The following SLC25A29 variants were observed in gnomAD, a reference collection of about 807,000 sequenced individuals.
SLC25A29 encodes solute carrier family 25 member 29.
Under a neutral mutation model 10.0 loss-of-function variants are expected in SLC25A29, and 13 were observed. The observed-to-expected ratio is 1.30, with a 90% CI of 0.85 to 2.07. The LOEUF (loss-of-function observed/expected upper bound fraction) is 2.07, where lower values mean the gene tolerates loss of function less well. Ranked by LOEUF, SLC25A29 falls within the 30% of genes most tolerant of loss-of-function variation. SLC25A29 has a pLI of 0.00. For missense variants in SLC25A29, 475 were observed against 447.6 expected (o/e 1.06, Z -0.55); for synonymous variants, 244 against 221.1 (o/e 1.10, Z -0.92).
chr14:100,283,483 CTT>C, the SLC25A29 span, among the ~76,000 whole-genome samples: 254 of 128,430 alleles, frequency 2.0e-3, 1 homozygote, highest in African/African-American at 4.3e-3. Flanking sequence ...TTTGGAATTG[CTT>C]TTTTTTTTTT....
the SLC25A29 span, among the ~76,000 whole-genome samples, chr14:100,285,782 G>C: frequency 6.6e-6 from 1 of 152,250 alleles, no homozygotes; most frequent in African/African-American, 2.4e-5. Context: ...ATACCAGGGG[G>C]CCCCAGCTAA....
chr14:100,280,699 C>G, the SLC25A29 span: 2 of 151,974 alleles, frequency 1.3e-5, no homozygotes. Flanking sequence ...TGCGCAATAC[C>G]TGTCCGTGTT....
chr14:100,298,758 G>A lies in SLC25A29; in HGVS notation c.78+84C>T, dbSNP rs890518162. 25 of 1,574,770 alleles carry A rather than the reference G, an allele frequency of 1.6e-5. No individual in the cohort carries two copies. In the East Asian group the frequency reaches 2.0e-4, roughly 13 times the overall value. ...CAGCTGCCCACCTGGGGCTGTACAC[G>A]GAAACAGGCTTCCAGCCACCCCAAC... On this transcript the variant is annotated intron_variant, in intron 2 of 3. Coordinates refer to ENST00000359232, the MANE Select transcript of SLC25A29 (RefSeq NM_001039355.3).
intron 2 of SLC25A29, among the ~76,000 whole-genome samples, chr14:100,297,241 G>A (rs8012573): frequency 0.034 from 5,127 of 152,286 alleles, 292 homozygotes; most frequent in African/African-American, 0.12. Context: ...CCCTCCAGAC[G>A]CCAGTGAAGT....
downstream of SLC25A29, among the ~76,000 whole-genome samples, chr14:100,287,146 C>G (rs1891559642): frequency 6.6e-6 from 1 of 152,240 alleles, no homozygotes. Context: ...CACTAAAGGC[C>G]CAGGCCAATG....
the SLC25A29 span, among the ~76,000 whole-genome samples, chr14:100,285,289 C>T: frequency 6.6e-6 from 1 of 151,264 alleles, no homozygotes; most frequent in East Asian, 2.0e-4. Flanking sequence ...GCGCCTTTGT[C>T]CCAGCCCTTC....
At chr14:100,306,133 G>T in intron 1 of SLC25A29, 66 bp downstream of exon 1, 1 of 1,230,448 alleles carries the variant, frequency 8.1e-7, no homozygotes, top group Non-Finnish European at 1.1e-6. Context: ...GCCAGGGCGT[G>T]CTGGTGGGCC....
chr14:100,297,662 C>T (rs995620733), intron 2 of SLC25A29, among the ~76,000 whole-genome samples: 3 of 152,232 alleles, frequency 2.0e-5, no homozygotes, highest in Admixed American at 6.5e-5. Context: ...AGGCTCTGCA[C>T]GGCCTCACTC....
chr14:100,303,916 C>T (rs1445083217), intron 1 of SLC25A29, among the ~76,000 whole-genome samples: 2 of 152,124 alleles, frequency 1.3e-5, no homozygotes, highest in African/African-American at 2.4e-5. Flanking sequence ...TTTCTCTCTG[C>T]GCCTGCTTCT....
At chr14:100,279,815 C>G in the SLC25A29 span, 1 of 152,320 alleles carries the variant, frequency 6.6e-6, no homozygotes, top group Admixed American at 6.5e-5. Flanking sequence ...AGGACCCTGC[C>G]CAAGGGCCCA....
chr14:100,295,810 G>A, intron 2 of SLC25A29: 1 of 1,289,584 alleles, frequency 7.8e-7, no homozygotes. Context: ...GCCCAGGGAT[G>A]GCCGGTCACC....
At chr14:100,302,331 C>A (rs374121979) in intron 1 of SLC25A29, among the ~76,000 whole-genome samples, 1 of 151,796 alleles carries the variant, frequency 6.6e-6, no homozygotes, top group Admixed American at 6.6e-5. Context: ...CAGGCTTGAG[C>A]CACCAAGCTC....
downstream of SLC25A29, among the ~76,000 whole-genome samples, chr14:100,288,800 A>G (rs543339420): frequency 1.7e-3 from 261 of 152,358 alleles, 1 homozygote; most frequent in African/African-American, 6.1e-3. Flanking sequence ...AGCAGGAAGG[A>G]GGACCATTCA....
At chr14:100,301,827 G>A (rs958857527) in intron 1 of SLC25A29, among the ~76,000 whole-genome samples, 2 of 151,432 alleles carry the variant, frequency 1.3e-5, no homozygotes, top group South Asian at 2.1e-4. Flanking sequence ...CTTCTAATAC[G>A]TCTAATCATT....
intron 3 of SLC25A29, 59 bp downstream of exon 3, chr14:100,293,235 G>A: frequency 1.3e-6 from 2 of 1,573,184 alleles, no homozygotes; most frequent in South Asian, 1.1e-5. Flanking sequence ...GGTGGTGGCA[G>A]CCCGGAAGCT....
At chr14:100,285,278 C>T in the SLC25A29 span, among the ~76,000 whole-genome samples, 4 of 151,966 alleles carry the variant, frequency 2.6e-5, no homozygotes, top group Admixed American at 2.6e-4. Flanking sequence ...GGACTTGGGC[C>T]GCGCCTTTGT....
At chr14:100,299,426 A>C in intron 1 of SLC25A29, 1 of 994,496 alleles carries the variant, frequency 1.0e-6, no homozygotes. Flanking sequence ...GAGACTGAAC[A>C]GGGTAATGGC....
At chr14:100,295,970 TTGGA>T in intron 2 of SLC25A29, 1 of 1,289,748 alleles carries the variant, frequency 7.8e-7, no homozygotes, top group Non-Finnish European at 1.0e-6. Context: ...GATCCAGATC[TTGGA>T]TTCTTTCAGT....
At chr14:100,287,428 C>T (rs1333264646), downstream of SLC25A29, among the ~76,000 whole-genome samples, 2 of 152,188 alleles carry the variant, frequency 1.3e-5, no homozygotes, top group African/African-American at 2.4e-5. Flanking sequence ...ACCCCAGAGA[C>T]AAATGCCTTG....
Sources: gnomAD v4.1 joint callset for allele counts (sites outside exome capture counted in the v4.1 genomes callset) on GRCh38, gnomAD v4.1.1 for gene constraint, MANE v1.5 for transcripts, NCBI Gene and HGNC (gene_info 2026-07-23, HGNC 2026-07-21) for gene names.